Variants in RELL1 observed in about 807,000 individuals in gnomAD.
The protein encoded by RELL1 is RELT like 1, also known as RELT-like protein 1.
Under a neutral mutation model 23.0 loss-of-function variants are expected in RELL1, and 10 were observed. The ratio of observed to expected loss-of-function variants is 0.43; its 90% CI spans 0.27 to 0.74. The LOEUF (loss-of-function observed/expected upper bound fraction) is 0.74. RELL1 is among the 30% of genes least tolerant of loss of function. The probability of loss-of-function intolerance (pLI) is 0.19; values close to 1 mark genes in which losing one functional copy is unlikely to be tolerated. For synonymous variants in RELL1, 146 were observed against 146.8 expected, an observed-to-expected ratio of 0.99 and a Z score of 0.04; for missense variants, 315 against 364.4, an observed-to-expected ratio of 0.86 and a Z score of 1.10.
At chr4:37,607,335 G>A (rs1053486136), downstream of RELL1, among the ~76,000 whole-genome samples, 2 of 152,142 alleles carry the variant, frequency 1.3e-5, no homozygotes, top group Non-Finnish European at 2.9e-5. Flanking sequence ...GGTAACATAC[G>A]GGGAAATGGA....
At position 37,649,461 on chromosome 4, in the gene RELL1, G is replaced by A. The variant is rs565161684; in HGVS notation, c.128C>T (p.Thr43Met). 1.7e-5 allele frequency: 27 copies of A among 1,614,074 alleles called. No homozygotes were observed. The East Asian group carries it at 2.5e-4, about 15-fold the overall frequency. Residue 43 changes from threonine to methionine, a missense_variant, in exon 2 of 7, where the codon ACG becomes ATG. Transcript: ENST00000454158. ...AGTATCGTTGCTGGGCGACGGGGTCGTCTCTGTTCTGGAGTGCAATGTGCG... is the reference window on the plus strand; with the variant it reads ...AGTATCGTTGCTGGGCGACGGGGTCATCTCTGTTCTGGAGTGCAATGTGCG... ...SSRTLHSRTE[T>M]TPSPSNDTGN...
At position 37,622,749 on chromosome 4, in the gene RELL1, A is replaced by T. The variant is rs28411146; in HGVS notation, c.*3+8636T>A. The T allele has an allele frequency of 3.1e-3, 1,405 of 447,472 alleles. 15 individuals carry two copies. Among genetic ancestry groups the T allele is most frequent in the African/African-American group, 0.026 (1,262 of 48,898 alleles). The allele number at this position is 447,472 out of a possible 1,614,324, so 27.7% of individuals were successfully genotyped here. ...CATTGTCTGTCTGACACACTGCCAC[A>T]TCCCTAAACACAGCAAACTGCCTGG... On this transcript the variant is annotated intron_variant, in intron 6 of 6. Coordinates refer to ENST00000454158, the MANE Select transcript of RELL1 (RefSeq NM_001085400.2).
At chr4:37,663,344 C>G (rs1721420168) in intron 1 of RELL1, among the ~76,000 whole-genome samples, 1 of 152,198 alleles carries the variant, frequency 6.6e-6, no homozygotes, top group East Asian at 1.9e-4. Context: ...ACTAATGGCT[C>G]TTGCGAACCT....
At chr4:37,655,375 A>G (rs1410872712) in intron 1 of RELL1, among the ~76,000 whole-genome samples, 1 of 152,204 alleles carries the variant, frequency 6.6e-6, no homozygotes, top group African/African-American at 2.4e-5. Flanking sequence ...GGATCTTTAC[A>G]TAGGTCATCT....
intron 1 of RELL1, among the ~76,000 whole-genome samples, chr4:37,676,568 T>C (rs1320233670): frequency 6.6e-6 from 1 of 152,164 alleles, no homozygotes; most frequent in Non-Finnish European, 1.5e-5. Context: ...AAGGTAGTAT[T>C]GATTGTTTGT....
Position 37,612,870 on chromosome 4 carries a change from T to A in RELL1, c.*476A>T, listed in dbSNP as rs1719453403. 1 of 152,166 alleles carries A rather than the reference T, an allele frequency of 6.6e-6. No homozygotes were observed. The highest frequency in any genetic ancestry group is 6.5e-5 in the Admixed American group (1 of 15,278). 9.4% of individuals were successfully genotyped at this position (152,166 alleles called of 1,614,324 possible). ...TCTTTTGTAACAGCTAACCTGTATG[T>A]ATCAAGATCTTCTTACAACCAGTGT... On this transcript the variant is annotated 3_prime_UTR_variant, in exon 7 of 7. Transcript: ENST00000454158.
At position 37,612,330 on chromosome 4, in the gene RELL1, AAAAAAAAAC is replaced by A. The variant is rs1333538099; in HGVS notation, c.*1007_*1015del. On this transcript the variant is annotated 3_prime_UTR_variant, in exon 7 of 7. Transcript: ENST00000454158. The stretch of plus-strand genomic sequence containing the variant: ...ATCGCTCAGCTAAAGGTTAAAAAAA[AAAAAAAAAC>A]AAAAAAAAACAAAAAACCGGGTGCA... Among the ~76,000 whole-genome samples, 957 of 25,150 alleles carry A rather than the reference AAAAAAAAAC, an allele frequency of 0.038. 11 individuals are homozygous for A. Among genetic ancestry groups the A allele is most frequent in the African/African-American group, 0.062 (905 of 14,706 alleles). The allele number at this position is 25,150 out of a possible 152,430, so 16.5% of individuals were successfully genotyped here. A position where few individuals can be genotyped will look rare whatever the true frequency, so the allele number is the denominator to read the frequency against.
In RELL1 at chr4:37,647,394, A is replaced by C. The variant is rs759770374; in HGVS notation, c.359T>G (p.Ile120Ser). ...VNENSDTVGQ[I>S]VHYIMKNEAN... ...TTCATTTTTCATGATGTAGTGGACG[A>C]TTTGCCCAACAGTGTCACTGTTTTC... The change falls in exon 3 of 7, where the codon ATC becomes AGC. Residue 120 changes from isoleucine (I) to serine (S), a missense_variant. Coordinates refer to ENST00000454158, the MANE Select transcript of RELL1 (RefSeq NM_001085400.2). The C allele has an allele frequency of 6.2e-7, 1 of 1,613,464 alleles. No homozygotes were observed. Among genetic ancestry groups the C allele is most frequent in the South Asian group, 1.1e-5 (1 of 91,028 alleles).
chr4:37,609,970 T>A (rs1398682688), downstream of RELL1, among the ~76,000 whole-genome samples: 7 of 152,204 alleles, frequency 4.6e-5, no homozygotes, highest in East Asian at 1.3e-3. Context: ...TAAAGCAGCA[T>A]CAGATTTTGA....
chr4:37,667,938 C>T (rs1323534514), intron 1 of RELL1, among the ~76,000 whole-genome samples: 1 of 148,926 alleles, frequency 6.7e-6, no homozygotes, highest in Non-Finnish European at 1.5e-5. Flanking sequence ...CCACTTTGTC[C>T]AAAATGATCT....
intron 1 of RELL1, among the ~76,000 whole-genome samples, chr4:37,680,318 C>T (rs1722167808): frequency 6.6e-6 from 1 of 152,218 alleles, no homozygotes; most frequent in Non-Finnish European, 1.5e-5. Context: ...ATGTGAACAT[C>T]TTTGACCCTC....
chr4:37,660,759 C>T lies in RELL1; in HGVS notation c.89-11259G>A, dbSNP rs561029443. ...TTAAAAACTGTTAAGAGGCCGGGCG[C>T]GGTGGCTCACGCCTGTAATCCCAGC... On this transcript the variant is annotated intron_variant, in intron 1 of 6. Transcript: ENST00000454158. Among the ~76,000 whole-genome samples, 93 of 152,256 alleles carry T rather than the reference C, an allele frequency of 6.1e-4. 1 individual carries two copies. Among genetic ancestry groups the T allele is most frequent in the Middle Eastern group, 3.4e-3 (1 of 294 alleles).
intron 1 of RELL1, among the ~76,000 whole-genome samples, chr4:37,679,190 CT>C (rs2109316460): frequency 6.6e-6 from 1 of 152,310 alleles, no homozygotes; most frequent in African/African-American, 2.4e-5. Context: ...GTGTTAGTAA[CT>C]GGCAAAAGAA....
chr4:37,652,589 T>A lies in RELL1; in HGVS notation c.89-3089A>T, dbSNP rs1282134989. On this transcript the variant is annotated intron_variant, in intron 1 of 6. Coordinates refer to ENST00000454158, the MANE Select transcript of RELL1 (RefSeq NM_001085400.2). Reference sequence around the variant, plus strand: ...ATCACTGTCTGTTTCAATCTGGGGGTGAAAATAAATTCTTTTTTAGGGGGA... The same window carrying A: ...ATCACTGTCTGTTTCAATCTGGGGGAGAAAATAAATTCTTTTTTAGGGGGA... Among the ~76,000 whole-genome samples the A allele has an allele frequency of 2.0e-5, 3 of 152,052 alleles. No homozygotes were observed. In the East Asian group the frequency reaches 5.8e-4, roughly 29 times the overall value.
At chr4:37,631,573 A>G in intron 5 of RELL1, 50 bp from the exon 6 acceptor site, 1 of 1,593,308 alleles carries the variant, frequency 6.3e-7, no homozygotes, top group Non-Finnish European at 8.6e-7. Flanking sequence ...CTAATAAACA[A>G]GAATTATGAA....
intron 6 of RELL1, among the ~76,000 whole-genome samples, chr4:37,616,311 C>T (rs890076516): frequency 6.6e-6 from 1 of 152,128 alleles, no homozygotes; most frequent in African/African-American, 2.4e-5. Flanking sequence ...GTAGGAAATC[C>T]ATCCCAGGCA....
At chr4:37,597,461 C>T (rs1718893557) in intron 6 of RELL1, among the ~76,000 whole-genome samples, 1 of 152,148 alleles carries the variant, frequency 6.6e-6, no homozygotes, top group Non-Finnish European at 1.5e-5. Context: ...CAAAAAAATC[C>T]ATTTCTAGGT....
intron 1 of RELL1, among the ~76,000 whole-genome samples, chr4:37,676,844 T>A (rs2109314003): frequency 1.3e-5 from 2 of 152,266 alleles, no homozygotes; most frequent in Middle Eastern, 6.8e-3. Flanking sequence ...CTTCCTTCCT[T>A]CCCTCATTTA....
At chr4:37,638,424 A>G in intron 4 of RELL1, 23 bp downstream of exon 4, 1 of 1,591,010 alleles carries the variant, frequency 6.3e-7, no homozygotes, top group South Asian at 1.1e-5. Flanking sequence ...TGTCGCACTA[A>G]GAAAGAGGGG....
Sources: gnomAD v4.1 joint callset for allele counts (sites outside exome capture counted in the v4.1 genomes callset) on GRCh38, gnomAD v4.1.1 for gene constraint, MANE v1.5 for transcripts, NCBI Gene and HGNC (gene_info 2026-07-23, HGNC 2026-07-21) for gene names.